WDR25: variants seen among roughly 807,000 people sequenced by gnomAD.
WDR25 encodes WD repeat-containing protein 25.
A neutral mutation model predicts 47.7 loss-of-function variants in WDR25; 35 were observed. The ratio of observed to expected loss-of-function variants is 0.73; its 90% CI spans 0.56 to 0.97. The LOEUF (loss-of-function observed/expected upper bound fraction) is 0.97. Ranked by LOEUF, WDR25 falls within the 50% of genes least tolerant of loss-of-function variation. WDR25 has a pLI of 0.00. For synonymous variants in WDR25, 248 were observed against 278.9 expected (o/e 0.89, Z 1.10); for missense variants, 634 against 704.7 (o/e 0.90, Z 1.14).
At chr14:100,456,425 A>AT (rs1354902124) in intron 2 of WDR25, among the ~76,000 whole-genome samples, 1 of 152,238 alleles carries the variant, frequency 6.6e-6, no homozygotes, top group East Asian at 1.9e-4. Context: ...CAGTCAATAG[A>AT]TACAGATCCA....
intron 2 of WDR25, among the ~76,000 whole-genome samples, chr14:100,426,522 G>C (rs561363926): frequency 6.6e-6 from 1 of 152,248 alleles, no homozygotes; most frequent in Non-Finnish European, 1.5e-5. Context: ...AGACGCCTGC[G>C]TGCGCCCAGC....
chr14:100,419,474 C>T (rs1897968825), intron 2 of WDR25, among the ~76,000 whole-genome samples: 1 of 152,100 alleles, frequency 6.6e-6, no homozygotes, highest in African/African-American at 2.4e-5. Context: ...ACAGAGGCTT[C>T]CAATATAGTC....
At chr14:100,453,753 C>A (rs1475647281) in intron 2 of WDR25, among the ~76,000 whole-genome samples, 1 of 152,062 alleles carries the variant, frequency 6.6e-6, no homozygotes. Context: ...CCCCCAGAAG[C>A]CCCAGCCTCC....
chr14:100,455,629 G>C (rs1899177853), intron 2 of WDR25: 1 of 152,080 alleles, frequency 6.6e-6, no homozygotes, highest in Non-Finnish European at 1.5e-5. Flanking sequence ...AACCAAAGAT[G>C]AAGAGAAAAT....
intron 2 of WDR25, among the ~76,000 whole-genome samples, chr14:100,383,556 G>A (rs1199645843): frequency 6.6e-6 from 1 of 152,272 alleles, no homozygotes; most frequent in African/African-American, 2.4e-5. Context: ...CTCTCCTGAT[G>A]GTGAGGGGCA....
At chr14:100,522,738 CAA>C (rs976556266) in intron 4 of WDR25, among the ~76,000 whole-genome samples, 3 of 152,214 alleles carry the variant, frequency 2.0e-5, no homozygotes, top group African/African-American at 7.2e-5. Flanking sequence ...GTTACTTGCC[CAA>C]AATTATGCAG....
chr14:100,513,788 A>G (rs369485221), intron 4 of WDR25, among the ~76,000 whole-genome samples: 109 of 151,850 alleles, frequency 7.2e-4, no homozygotes, highest in African/African-American at 2.3e-3. Context: ...TCGGCCTCCT[A>G]AAGTGCTAGG....
At chr14:100,388,943 G>C (rs903130553) in intron 2 of WDR25, among the ~76,000 whole-genome samples, 1 of 152,190 alleles carries the variant, frequency 6.6e-6, no homozygotes, top group South Asian at 2.1e-4. Context: ...GGGAAGGATA[G>C]AGCAATTTGG....
chr14:100,451,243 CT>C (rs11288233), intron 2 of WDR25, among the ~76,000 whole-genome samples: 102,033 of 134,620 alleles, frequency 0.76, 38,142 homozygotes, highest in East Asian at 0.88. Context: ...CCAAAGCATT[CT>C]TTTTTTTTTT....
rs1482528327 is a variant in WDR25 at position 100,404,280 on chromosome 14, G to A, written c.822+22534G>A. 7.2e-5 allele frequency among the ~76,000 whole-genome samples: 11 copies of A among 152,346 alleles called. No individual in the cohort carries two copies. Among genetic ancestry groups the A allele is most frequent in the South Asian group, 2.1e-4 (1 of 4,826 alleles). On this transcript the variant is annotated intron_variant, in intron 2 of 6. Transcript: ENST00000402312. The surrounding 1 kb of genome is among the most constrained non-coding windows in gnomAD (Gnocchi z 4.6). ...TGCGGAGCTGGGAATGGAGTCCAGG[G>A]CTGTTTGCTCCCAAAGTCTATGTTC...
chr14:100,421,056 T>C (rs868554059), intron 2 of WDR25, among the ~76,000 whole-genome samples: 2 of 152,226 alleles, frequency 1.3e-5, no homozygotes, highest in African/African-American at 4.8e-5. Flanking sequence ...ATATGATTAT[T>C]TTTCCTGCAT....
intron 2 of WDR25, among the ~76,000 whole-genome samples, chr14:100,386,815 C>T (rs1446408105): frequency 2.6e-5 from 4 of 152,096 alleles, no homozygotes; most frequent in Non-Finnish European, 1.5e-5. Flanking sequence ...ATGGCATGAA[C>T]CCAGGAGGCG....
At chr14:100,450,448 A>G (rs1188661245) in intron 2 of WDR25, among the ~76,000 whole-genome samples, 1 of 152,204 alleles carries the variant, frequency 6.6e-6, no homozygotes, top group Non-Finnish European at 1.5e-5. Flanking sequence ...GTTGCTTAAT[A>G]TCTTTCTCTT....
chr14:100,463,318 C>T (rs922210326), intron 2 of WDR25, among the ~76,000 whole-genome samples: 1 of 152,164 alleles, frequency 6.6e-6, no homozygotes, highest in Non-Finnish European at 1.5e-5. Context: ...TGTCAAATCC[C>T]CAGGTGTGTC....
chr14:100,428,495 AG>A lies in WDR25; in HGVS notation c.823-39525del, dbSNP rs1890652112. On this transcript the variant is annotated intron_variant, in intron 2 of 6. Transcript: ENST00000402312. The surrounding 1 kb of genome is among the most constrained non-coding windows in gnomAD (Gnocchi z 4.3). Reference sequence around the variant, plus strand: ...CTCTGTGGATGGGGGACAGTGCCTGAGCGCCGGGGGCTGCACATGGTGCCTG... The same window carrying A: ...CTCTGTGGATGGGGGACAGTGCCTGACGCCGGGGGCTGCACATGGTGCCTG... 6.6e-6 allele frequency among the ~76,000 whole-genome samples: 1 copy of A among 152,104 alleles called. No individual in the cohort carries two copies. The highest frequency in any genetic ancestry group is 2.1e-4 in the South Asian group (1 of 4,824).
chr14:100,378,395 G>C (rs1448289573), intron 1 of WDR25, among the ~76,000 whole-genome samples: 1 of 151,988 alleles, frequency 6.6e-6, no homozygotes, highest in Non-Finnish European at 1.5e-5. Flanking sequence ...TCTCGAACTC[G>C]ACCTCAGGTG....
At chr14:100,495,053 T>G (rs999045983) in intron 4 of WDR25, among the ~76,000 whole-genome samples, 9 of 152,232 alleles carry the variant, frequency 5.9e-5, no homozygotes, top group Non-Finnish European at 8.8e-5. Flanking sequence ...CAGAATGCTC[T>G]GTTATATTTT....
intron 2 of WDR25, among the ~76,000 whole-genome samples, chr14:100,427,497 A>T (rs1331885979): frequency 6.6e-6 from 1 of 152,124 alleles, no homozygotes; most frequent in African/African-American, 2.4e-5. Context: ...GCCTTGGAGG[A>T]AGGTGCCATC....
chr14:100,522,863 C>T (rs1046371713), intron 4 of WDR25, among the ~76,000 whole-genome samples: 6 of 152,352 alleles, frequency 3.9e-5, no homozygotes, highest in African/African-American at 1.4e-4. Flanking sequence ...CCCCACCCAC[C>T]TCTGGGCTCT....
Sources: gnomAD v4.1 joint callset for allele counts (sites outside exome capture counted in the v4.1 genomes callset) on GRCh38, gnomAD v4.1.1 for gene constraint, Gnocchi (gnomAD v3.1) non-coding constraint, MANE v1.5 for transcripts, NCBI Gene and HGNC (gene_info 2026-07-23, HGNC 2026-07-21) for gene names.